TXK: variants seen among roughly 807,000 people sequenced by gnomAD.
TXK encodes the protein tyrosine-protein kinase TXK.
A neutral mutation model predicts 81.0 loss-of-function variants in TXK; 60 were observed. The ratio of observed to expected loss-of-function variants is 0.74; its 90% CI spans 0.60 to 0.92. The LOEUF (loss-of-function observed/expected upper bound fraction) is 0.92. TXK is among the 40% of genes least tolerant of loss of function. The pLI is 0.00. For synonymous variants in TXK, 203 were observed against 210.7 expected, an observed-to-expected ratio of 0.96 and a Z score of 0.32; for missense variants, 581 against 638.3, an observed-to-expected ratio of 0.91 and a Z score of 0.97.
chr4:48,115,417 A>G (rs1005782731), intron 1 of TXK, among the ~76,000 whole-genome samples: 5 of 152,208 alleles, frequency 3.3e-5, no homozygotes, highest in South Asian at 2.1e-4. Context: ...TCCATAAAAC[A>G]TAGGCTCTTA....
chr4:48,069,652 C>T lies in TXK; in HGVS notation c.1515+1865G>A, dbSNP rs553049264. Among the ~76,000 whole-genome samples the T allele has an allele frequency of 1.6e-3, 237 of 152,216 alleles. 5 individuals are homozygous for T. Among genetic ancestry groups the T allele is most frequent in the Non-Finnish European group, 4.7e-4 (32 of 68,012 alleles). On this transcript the variant is annotated intron_variant, in intron 14 of 14. Transcript: ENST00000264316. The stretch of plus-strand genomic sequence containing the variant: ...AATCAACTTTTTCAAACAAATAAAT[C>T]GACATAACCACACCATTGTATTAAT...
chr4:48,083,894 T>G (rs1221047270), intron 10 of TXK, among the ~76,000 whole-genome samples: 1 of 152,176 alleles, frequency 6.6e-6, no homozygotes, highest in Non-Finnish European at 1.5e-5. Flanking sequence ...GTATGCCAAC[T>G]TAAACAGAGT....
intron 1 of TXK, among the ~76,000 whole-genome samples, chr4:48,119,873 T>G (rs558720579): frequency 6.6e-6 from 1 of 152,298 alleles, no homozygotes; most frequent in East Asian, 1.9e-4. Context: ...GAGCCCCAAA[T>G]AGATCTGTAT....
intron 9 of TXK, among the ~76,000 whole-genome samples, chr4:48,087,268 CTG>C (rs1480532650): frequency 1.3e-5 from 2 of 152,094 alleles, no homozygotes; most frequent in African/African-American, 4.8e-5. Context: ...CTCTTGAAAA[CTG>C]TACCAAACTT....
intron 3 of TXK, 113 bp downstream of exon 3, chr4:48,113,094 A>C: frequency 1.6e-6 from 1 of 638,444 alleles, no homozygotes; most frequent in Non-Finnish European, 2.7e-6. Flanking sequence ...CTGAGCACTT[A>C]TTTTATGCCA....
intron 11 of TXK, among the ~76,000 whole-genome samples, chr4:48,078,806 A>G (rs1414849491): frequency 2.0e-5 from 3 of 152,246 alleles, no homozygotes; most frequent in African/African-American, 7.2e-5. Context: ...TTCTTTATAT[A>G]AAGTGGAGAC....
At chr4:48,078,032 T>C (rs1355193715) in intron 11 of TXK, among the ~76,000 whole-genome samples, 3 of 152,212 alleles carry the variant, frequency 2.0e-5, no homozygotes, top group African/African-American at 7.2e-5. Context: ...ACAGAGATTC[T>C]GATTTAATTG....
At chr4:48,123,013 G>A (rs1024771618) in intron 1 of TXK, among the ~76,000 whole-genome samples, 1 of 152,190 alleles carries the variant, frequency 6.6e-6, no homozygotes, top group Admixed American at 6.5e-5. Context: ...TTGGAAAATG[G>A]TCCAGGAAGG....
chr4:48,122,703 GTGAA>G (rs547653659), intron 1 of TXK, among the ~76,000 whole-genome samples: 3 of 152,294 alleles, frequency 2.0e-5, no homozygotes, highest in South Asian at 2.1e-4. Flanking sequence ...TATTTGTTCA[GTGAA>G]TGAATGAATG....
chr4:48,099,523 C>T (rs1283039053), intron 6 of TXK, among the ~76,000 whole-genome samples: 2 of 152,098 alleles, frequency 1.3e-5, no homozygotes, highest in East Asian at 1.9e-4. Flanking sequence ...TTAATCTGTA[C>T]ATTTAATGCA....
intron 14 of TXK, 53 bp from the exon 15 acceptor site, chr4:48,067,758 G>C (rs1331641711): frequency 1.9e-6 from 3 of 1,560,290 alleles, no homozygotes; most frequent in African/African-American, 2.7e-5. Flanking sequence ...TTATGCCAAG[G>C]GTTCCATTTT....
At chr4:48,101,186 T>C (rs1238631054) in intron 6 of TXK, among the ~76,000 whole-genome samples, 3 of 152,120 alleles carry the variant, frequency 2.0e-5, no homozygotes, top group African/African-American at 7.2e-5. Flanking sequence ...TTGCCATGAA[T>C]TGTTTGTGCA....
At chr4:48,124,681 C>G (rs1719041661) in intron 1 of TXK, among the ~76,000 whole-genome samples, 1 of 152,100 alleles carries the variant, frequency 6.6e-6, no homozygotes, top group African/African-American at 2.4e-5. Context: ...GAAGACTGAG[C>G]TTCCGGAGCT....
At chr4:48,129,107 T>C (rs1368551896) in intron 1 of TXK, among the ~76,000 whole-genome samples, 1 of 152,036 alleles carries the variant, frequency 6.6e-6, no homozygotes, top group Admixed American at 6.5e-5. Flanking sequence ...AATTGGGACA[T>C]TGAGTTTTTC....
At chr4:48,129,785 C>T (rs73136296) in intron 1 of TXK, among the ~76,000 whole-genome samples, 3,655 of 152,262 alleles carry the variant, frequency 0.024, 160 homozygotes, top group African/African-American at 0.085. Flanking sequence ...ACAACTTCCC[C>T]ACTCCCCCAC....
chr4:48,128,239 G>A (rs1719146394), intron 1 of TXK, among the ~76,000 whole-genome samples: 1 of 152,220 alleles, frequency 6.6e-6, no homozygotes, highest in Non-Finnish European at 1.5e-5. Flanking sequence ...CATGGCTAGT[G>A]ATTTATATTT....
intron 12 of TXK, 52 bp from the exon 13 acceptor site, chr4:48,074,105 T>A: frequency 7.3e-7 from 1 of 1,368,900 alleles, no homozygotes; most frequent in Non-Finnish European, 1.0e-6. Flanking sequence ...CAAGCTCTAT[T>A]TACTTCAAAT....
At chr4:48,111,350 T>C (rs891434392) in intron 4 of TXK, among the ~76,000 whole-genome samples, 86 of 152,230 alleles carry the variant, frequency 5.6e-4, no homozygotes, top group African/African-American at 2.0e-3. Context: ...GTAAGTATAC[T>C]GAAAATAATC....
chr4:48,127,516 A>G (rs1719120738), intron 1 of TXK, among the ~76,000 whole-genome samples: 3 of 152,368 alleles, frequency 2.0e-5, no homozygotes, highest in Admixed American at 1.3e-4. Context: ...ACTCATGCAT[A>G]TCAAGGGCCT....
Sources: allele counts gnomAD v4.1 joint callset (sites outside exome capture counted in the v4.1 genomes callset), GRCh38; gene constraint gnomAD v4.1.1; transcripts MANE v1.5; gene names NCBI Gene and HGNC (gene_info 2026-07-23, HGNC 2026-07-21).